Variants in EGLN1 observed in about 807,000 individuals in gnomAD.
EGLN1 encodes the protein egl nine homolog 1.
In EGLN1, 17 loss-of-function variants were observed where a neutral mutation model predicts 38.3. That is an observed-to-expected ratio of 0.44 (90% CI 0.30 to 0.67). EGLN1 has a LOEUF of 0.67. Ranked by LOEUF, EGLN1 falls within the 30% of genes least tolerant of loss-of-function variation. EGLN1 has a pLI of 0.08. For missense variants in EGLN1, 477 were observed against 603.3 expected (o/e 0.79, Z 2.19); for synonymous variants, 283 against 257.5 (o/e 1.10, Z -0.95).
intron 1 of EGLN1, among the ~76,000 whole-genome samples, chr1:231,403,517 T>A (rs1233656569): frequency 1.3e-5 from 2 of 152,054 alleles, no homozygotes; most frequent in East Asian, 3.9e-4. Flanking sequence ...ATGCTTGCTA[T>A]CCCAGAACTT....
rs505912 is a variant in EGLN1, at chr1:231,396,274, T to C, written c.892-22175A>G. Among the ~76,000 whole-genome samples the C allele has an allele frequency of 3.0e-3, 446 of 147,438 alleles. 2 individuals are homozygous for C. Among genetic ancestry groups the C allele is most frequent in the African/African-American group, 0.011 (426 of 40,254 alleles). On this transcript the variant is annotated intron_variant, in intron 1 of 4. Coordinates refer to ENST00000366641, the MANE Select transcript of EGLN1 (RefSeq NM_022051.3). ...CTTTTTTTTTTTTTCTTTTTTGAGATTGGGGAGTCTCGCTCTGTTGCCAGG... is the reference window on the plus strand; with the variant it reads ...CTTTTTTTTTTTTTCTTTTTTGAGACTGGGGAGTCTCGCTCTGTTGCCAGG...
At chr1:231,390,545 T>G (rs1688340272) in intron 1 of EGLN1, among the ~76,000 whole-genome samples, 1 of 152,214 alleles carries the variant, frequency 6.6e-6, no homozygotes, top group African/African-American at 2.4e-5. Flanking sequence ...TCAGATAGAC[T>G]GTGAACCCAA....
At chr1:231,403,358 A>G (rs1447610059) in intron 1 of EGLN1, among the ~76,000 whole-genome samples, 1 of 152,132 alleles carries the variant, frequency 6.6e-6, no homozygotes, top group African/African-American at 2.4e-5. Context: ...TAATTTGTTG[A>G]TTGTGCCTTT....
At chr1:231,401,006 G>A (rs60925615) in intron 1 of EGLN1, among the ~76,000 whole-genome samples, 1,820 of 152,094 alleles carry the variant, frequency 0.012, 31 homozygotes, top group African/African-American at 0.041. Context: ...CTAAGAGATC[G>A]AGCCTCTGCA....
In EGLN1 at chr1:231,422,086, CGCCG is replaced by C; in HGVS notation, c.-202_-199del. On this transcript the variant is annotated 5_prime_UTR_variant, in exon 1 of 5. Coordinates refer to ENST00000366641, the MANE Select transcript of EGLN1 (RefSeq NM_022051.3). The stretch of plus-strand genomic sequence containing the variant: ...TTCCGAGTCCTAAGCTCCGGCGCAG[CGCCG>C]GCAGCCGCCTCAGCGCCTCATCGCC... The C allele has an allele frequency of 2.3e-6, 1 of 440,946 alleles. No individual in the cohort carries two copies. The highest frequency in any genetic ancestry group is 5.4e-5 in the South Asian group (1 of 18,670). 27.3% of individuals were successfully genotyped at this position (440,946 alleles called of 1,614,324 possible).
intron 1 of EGLN1, among the ~76,000 whole-genome samples, chr1:231,401,188 T>C (rs537077457): frequency 6.6e-6 from 1 of 152,298 alleles, no homozygotes; most frequent in Non-Finnish European, 1.5e-5. Context: ...GAAGTTAAGC[T>C]CTAGAATCAA....
intron 1 of EGLN1, among the ~76,000 whole-genome samples, chr1:231,401,045 TA>T (rs1204450032): frequency 6.6e-6 from 1 of 152,128 alleles, no homozygotes; most frequent in Non-Finnish European, 1.5e-5. Context: ...AGTGAGACCC[TA>T]TCTCAAAATA....
intron 3 of EGLN1, among the ~76,000 whole-genome samples, chr1:231,370,189 A>C (rs1198397893): frequency 1.3e-5 from 2 of 152,144 alleles, no homozygotes; most frequent in Non-Finnish European, 2.9e-5. Flanking sequence ...CCACCTTTTA[A>C]AAAACCCTTT....
intron 1 of EGLN1, among the ~76,000 whole-genome samples, chr1:231,379,874 C>T (rs1688039723): frequency 6.6e-6 from 1 of 152,206 alleles, no homozygotes; most frequent in Non-Finnish European, 1.5e-5. Flanking sequence ...CTGTACTGCA[C>T]ATGGTATTTT....
chr1:231,406,609 C>T (rs145372034), intron 1 of EGLN1, among the ~76,000 whole-genome samples: 141 of 152,160 alleles, frequency 9.3e-4, no homozygotes, highest in Middle Eastern at 3.4e-3. Flanking sequence ...AAGAACTGAA[C>T]ACACACAGAA....
intron 1 of EGLN1, among the ~76,000 whole-genome samples, chr1:231,413,614 C>T (rs1249328265): frequency 6.6e-6 from 1 of 152,040 alleles, no homozygotes; most frequent in Non-Finnish European, 1.5e-5. Context: ...TTGACTGTCC[C>T]TCCCCACCCC....
intron 1 of EGLN1, among the ~76,000 whole-genome samples, chr1:231,385,528 G>A (rs568779938): frequency 6.6e-6 from 1 of 152,312 alleles, no homozygotes; most frequent in East Asian, 1.9e-4. Context: ...CACATGCTGT[G>A]TAAACTGCAA....
At chr1:231,385,429 A>G (rs1305701533) in intron 1 of EGLN1, among the ~76,000 whole-genome samples, 1 of 152,202 alleles carries the variant, frequency 6.6e-6, no homozygotes, top group Non-Finnish European at 1.5e-5. Context: ...CTATCTGAAA[A>G]ATGAGTTTTG....
intron 1 of EGLN1, among the ~76,000 whole-genome samples, chr1:231,415,595 T>C (rs1239372879): frequency 6.6e-6 from 1 of 152,168 alleles, no homozygotes; most frequent in African/African-American, 2.4e-5. Context: ...ATAGCAAATT[T>C]TTTAAATGGG....
At chr1:231,401,933 A>C (rs1316070014) in intron 1 of EGLN1, among the ~76,000 whole-genome samples, 2 of 152,202 alleles carry the variant, frequency 1.3e-5, no homozygotes, top group African/African-American at 2.4e-5. Flanking sequence ...CAAGTAATGA[A>C]TGTATGAGGA....
At chr1:231,382,004 A>G (rs568405211) in intron 1 of EGLN1, among the ~76,000 whole-genome samples, 2 of 152,374 alleles carry the variant, frequency 1.3e-5, no homozygotes, top group Admixed American at 6.5e-5. Flanking sequence ...ATCACTGTTA[A>G]GACAGATATT....
chr1:231,386,766 T>A (rs1477625803), intron 1 of EGLN1, among the ~76,000 whole-genome samples: 1 of 152,070 alleles, frequency 6.6e-6, no homozygotes, highest in African/African-American at 2.4e-5. Flanking sequence ...TAAAGAAGAG[T>A]AACATAAACA....
At chr1:231,402,437 C>CTTT (rs1392880050) in intron 1 of EGLN1, among the ~76,000 whole-genome samples, 1 of 140,468 alleles carries the variant, frequency 7.1e-6, no homozygotes, top group Middle Eastern at 3.4e-3. Context: ...TTAGGTCTTA[C>CTTT]TTTTTTTTTT....
Position 231,364,697 on chromosome 1 carries a change from A to T in EGLN1, c.*1714T>A, listed in dbSNP as rs531484702. ...TAGAAAAGGTCTCAAATTGAATACAAACTATACAGATGCTAAAAATGTCTT... is the reference window on the plus strand; with the variant it reads ...TAGAAAAGGTCTCAAATTGAATACATACTATACAGATGCTAAAAATGTCTT... On this transcript the variant is annotated 3_prime_UTR_variant, in exon 5 of 5. Coordinates refer to ENST00000366641, the MANE Select transcript of EGLN1 (RefSeq NM_022051.3). 1 of 152,364 alleles carries T rather than the reference A, an allele frequency of 6.6e-6. No homozygotes were observed. Among genetic ancestry groups the T allele is most frequent in the South Asian group, 2.1e-4 (1 of 4,826 alleles). 9.4% of individuals were successfully genotyped at this position (152,364 alleles called of 1,614,324 possible).
Sources: allele counts gnomAD v4.1 joint callset (sites outside exome capture counted in the v4.1 genomes callset), GRCh38; gene constraint gnomAD v4.1.1; transcripts MANE v1.5; gene names NCBI Gene and HGNC (gene_info 2026-07-23, HGNC 2026-07-21).